Variants in CNBD1 observed in about 807,000 individuals in gnomAD.
CNBD1 encodes the protein cyclic nucleotide binding domain containing 1, also known as cyclic nucleotide-binding domain-containing protein 1.
Under a neutral mutation model 54.4 loss-of-function variants are expected in CNBD1, and 71 were observed. The ratio of observed to expected loss-of-function variants is 1.30; its 90% CI spans 1.08 to 1.59. The LOEUF (loss-of-function observed/expected upper bound fraction) is 1.59. Among genes scored for constraint, CNBD1 ranks in the 40% most tolerant of loss-of-function variants. The pLI, the probability that CNBD1 is intolerant of heterozygous loss-of-function variation, is 0.00. For synonymous variants in CNBD1, 182 were observed against 170.7 expected, an observed-to-expected ratio of 1.07 and a Z score of -0.51; for missense variants, 659 against 518.0, an observed-to-expected ratio of 1.27 and a Z score of -2.64.
intron 6 of CNBD1, among the ~76,000 whole-genome samples, chr8:87,268,508 G>T (rs1487260438): frequency 6.6e-6 from 1 of 151,994 alleles, no homozygotes; most frequent in Non-Finnish European, 1.5e-5. Flanking sequence ...TCTGTTTTAA[G>T]TTCATTGAGG....
intron 2 of CNBD1, among the ~76,000 whole-genome samples, chr8:87,390,607 A>G (rs531528064): frequency 6.6e-6 from 1 of 152,268 alleles, no homozygotes; most frequent in East Asian, 1.9e-4. Context: ...GCTGGAGAGG[A>G]TGTGGAGAAA....
intron 6 of CNBD1, among the ~76,000 whole-genome samples, chr8:87,252,767 T>A (rs1807937373): frequency 6.6e-6 from 1 of 152,090 alleles, no homozygotes; most frequent in African/African-American, 2.4e-5. Flanking sequence ...ACACAGTAAG[T>A]GGCAAGATGA....
intron 2 of CNBD1, among the ~76,000 whole-genome samples, chr8:87,423,759 C>G (rs553553300): frequency 6.6e-6 from 1 of 151,608 alleles, no homozygotes; most frequent in South Asian, 2.1e-4. Context: ...TGTCTCTGCC[C>G]GGCTTTTGTA....
chr8:86,902,189 A>C (rs1808948821), intron 2 of CNBD1, among the ~76,000 whole-genome samples: 1 of 152,138 alleles, frequency 6.6e-6, no homozygotes, highest in Non-Finnish European at 1.5e-5. Flanking sequence ...TTTTGGGTAC[A>C]CAGCTAGACT....
intron 6 of CNBD1, among the ~76,000 whole-genome samples, chr8:87,246,335 A>G (rs928934987): frequency 2.6e-5 from 4 of 152,190 alleles, no homozygotes; most frequent in African/African-American, 7.2e-5. Flanking sequence ...CAAAACCCCA[A>G]ATGGATGATG....
At chr8:87,344,407 T>A (rs926014799) in intron 8 of CNBD1, among the ~76,000 whole-genome samples, 1 of 152,114 alleles carries the variant, frequency 6.6e-6, no homozygotes, top group African/African-American at 2.4e-5. Flanking sequence ...AAATGGATTT[T>A]ATCATATCAT....
intron 8 of CNBD1, among the ~76,000 whole-genome samples, chr8:87,337,316 G>A (rs1809964786): frequency 6.6e-6 from 1 of 152,134 alleles, no homozygotes; most frequent in Non-Finnish European, 1.5e-5. Context: ...GATTAAGTCT[G>A]CTGGTTTGTG....
chr8:87,283,633 A>T (rs1344414512), intron 6 of CNBD1, among the ~76,000 whole-genome samples: 1 of 152,086 alleles, frequency 6.6e-6, no homozygotes, highest in African/African-American at 2.4e-5. Context: ...AATTCTGTCC[A>T]GTTTCATGGC....
chr8:87,087,273 ACG>A (rs1491183511), intron 4 of CNBD1, among the ~76,000 whole-genome samples: 1 of 143,788 alleles, frequency 7.0e-6, no homozygotes, highest in Non-Finnish European at 1.5e-5. Flanking sequence ...ATATATATAT[ACG>A]TATATATATA....
At chr8:87,196,437 G>T (rs1813724285) in intron 4 of CNBD1, among the ~76,000 whole-genome samples, 1 of 152,034 alleles carries the variant, frequency 6.6e-6, no homozygotes, top group Non-Finnish European at 1.5e-5. Context: ...TAGTATTAGG[G>T]GTATAGAAAC....
chr8:87,086,851 A>G (rs916557516), intron 4 of CNBD1, among the ~76,000 whole-genome samples: 1 of 152,192 alleles, frequency 6.6e-6, no homozygotes, highest in African/African-American at 2.4e-5. Flanking sequence ...TTACGAGTTC[A>G]TTAATTATTG....
Position 87,116,911 on chromosome 8 carries a change from T to C in CNBD1, c.432-89082T>C, listed in dbSNP as rs1586267626. ...AGGGCCCCTATTTTCTTAACAGTTC[T>C]TATTAAGTCTATTATTATATTTCTT... On this transcript the variant is annotated intron_variant, in intron 4 of 10. Coordinates refer to ENST00000518476, the MANE Select transcript of CNBD1 (RefSeq NM_173538.3). Among the ~76,000 whole-genome samples, 4 of 152,292 alleles carry C rather than the reference T, an allele frequency of 2.6e-5. 1 individual carries two copies. The highest frequency in any genetic ancestry group is 2.6e-4 in the Admixed American group (4 of 15,304).
chr8:87,357,019 C>T (rs530845764), intron 10 of CNBD1, among the ~76,000 whole-genome samples: 1 of 152,300 alleles, frequency 6.6e-6, no homozygotes, highest in African/African-American at 2.4e-5. Context: ...GCTCCAGAGA[C>T]TGTAAGCTAT....
At chr8:87,298,174 T>TC (rs887395025) in intron 8 of CNBD1, among the ~76,000 whole-genome samples, 9 of 151,974 alleles carry the variant, frequency 5.9e-5, no homozygotes, top group African/African-American at 2.2e-4. Flanking sequence ...TGCTTTTTTT[T>TC]ATTATAAAGG....
chr8:87,213,967 C>G (rs1814154954), intron 5 of CNBD1, among the ~76,000 whole-genome samples: 1 of 152,164 alleles, frequency 6.6e-6, no homozygotes, highest in Non-Finnish European at 1.5e-5. Context: ...CTAAAGGCCC[C>G]ATGCAAGTCC....
intron 4 of CNBD1, among the ~76,000 whole-genome samples, chr8:87,061,139 A>G (rs1482461394): frequency 6.6e-6 from 1 of 152,224 alleles, no homozygotes; most frequent in Non-Finnish European, 1.5e-5. Context: ...GTTTGCAATG[A>G]GCAATGTCCT....
chr8:86,971,337 G>T (rs1481824917), intron 4 of CNBD1, among the ~76,000 whole-genome samples: 1 of 152,082 alleles, frequency 6.6e-6, no homozygotes, highest in Non-Finnish European at 1.5e-5. Context: ...GAAGAGCATG[G>T]GGAAACCATG....
intron 8 of CNBD1, among the ~76,000 whole-genome samples, chr8:87,331,807 T>C (rs1207817439): frequency 6.6e-6 from 1 of 152,218 alleles, no homozygotes; most frequent in Non-Finnish European, 1.5e-5. Context: ...ATTTCTCTAA[T>C]GATTAGTGAT....
intron 5 of CNBD1, among the ~76,000 whole-genome samples, chr8:87,211,558 A>G (rs927551695): frequency 5.9e-5 from 9 of 152,172 alleles, no homozygotes; most frequent in South Asian, 2.1e-4. Context: ...TACTGTCCTC[A>G]TGATAGTGAG....
Sources: allele counts gnomAD v4.1 joint callset (sites outside exome capture counted in the v4.1 genomes callset), GRCh38; gene constraint gnomAD v4.1.1; transcripts MANE v1.5; gene names NCBI Gene and HGNC (gene_info 2026-07-23, HGNC 2026-07-21).